Variants in SPTBN2 observed in about 807,000 individuals in gnomAD.
SPTBN2 encodes the protein spectrin beta chain, non-erythrocytic 2.
In SPTBN2, 107 loss-of-function variants were observed where a neutral mutation model predicts 284.2. That is an observed-to-expected ratio of 0.38 (90% CI 0.32 to 0.44). The LOEUF is 0.44. Ranked by LOEUF, SPTBN2 falls within the 20% of genes least tolerant of loss-of-function variation. The pLI, the probability that SPTBN2 is intolerant of heterozygous loss-of-function variation, is 1.00. For missense variants in SPTBN2, 2,569 were observed against 3,287.1 expected, an observed-to-expected ratio of 0.78 and a Z score of 5.34; for synonymous variants, 1,289 against 1,354.8, an observed-to-expected ratio of 0.95 and a Z score of 1.07.
At position 66,705,225 on chromosome 11, in the gene SPTBN2, G is replaced by A; in HGVS notation, c.2051C>T (p.Thr684Ile). 6.4e-7 allele frequency: 1 copy of A among 1,553,594 alleles called. No homozygotes were observed. Among genetic ancestry groups the A allele is most frequent in the Admixed American group, 1.9e-5 (1 of 52,354 alleles). ...GCCGCTCATCTCGCCCCGCAGGGCT[G>A]TGTGCTTGTTGAGCAGGCGGAGGGC... ...TGALRLLNKHTALRGEMSGRL... is the reference protein window; with the variant it reads ...TGALRLLNKHIALRGEMSGRL... Residue 684 changes from threonine to isoleucine, a missense_variant, in exon 15 of 38, where the codon ACA (threonine) becomes ATA (isoleucine). Physicochemically the swap from Thr to Ile is moderately conservative, Grantham distance 89. This residue lies in a region of SPTBN2 where 1,012 missense variants were observed against 1,248.9 expected (regional missense o/e 0.81). Coordinates refer to ENST00000533211, the MANE Select transcript of SPTBN2 (RefSeq NM_006946.4).
Position 66,688,077 on chromosome 11 carries a change from G to T in SPTBN2, c.6377C>A (p.Thr2126Asn). The T allele has an allele frequency of 2.5e-6, 4 of 1,610,524 alleles. No individual in the cohort carries two copies. Among genetic ancestry groups the T allele is most frequent in the Non-Finnish European group, 3.4e-6 (4 of 1,178,674 alleles). The change falls in exon 33 of 38, where the codon ACC (threonine) becomes AAC (asparagine). Residue 2126 changes from threonine (T) to asparagine (N), a missense_variant and splice_region_variant. Coordinates refer to ENST00000533211, the MANE Select transcript of SPTBN2 (RefSeq NM_006946.4). ...QTASDTTWDG[T>N]QPRPPPSTQA... is the part of the protein sequence containing the mutation. ...TGTGGATGGTGGTGGCCGTGGCTGG[G>T]TTCTGGGATGACCAAAGGCAACACA...
At chr11:66,698,023 G>A (rs533445903) in intron 20 of SPTBN2, among the ~76,000 whole-genome samples, 1 of 152,238 alleles carries the variant, frequency 6.6e-6, no homozygotes, top group East Asian at 1.9e-4. Context: ...TGTTCTGTAG[G>A]GATACTTGCT....
At chr11:66,709,225 T>G (rs891029945) in intron 10 of SPTBN2, among the ~76,000 whole-genome samples, 1 of 152,234 alleles carries the variant, frequency 6.6e-6, no homozygotes, top group Non-Finnish European at 1.5e-5. Flanking sequence ...TCACCCAGGC[T>G]GGAGTGCAGT....
intron 8 of SPTBN2, 115 bp downstream of exon 8, chr11:66,713,516 C>T (rs1237908526): frequency 3.8e-6 from 3 of 799,348 alleles, no homozygotes; most frequent in Non-Finnish European, 6.7e-6. Context: ...ACCAAAGAAG[C>T]CCCTGTATCA....
At chr11:66,730,262 A>T (rs559122745), upstream of SPTBN2, among the ~76,000 whole-genome samples, 4 of 152,246 alleles carry the variant, frequency 2.6e-5, no homozygotes, top group East Asian at 7.7e-4. Context: ...ACACTTGGTC[A>T]GGGACATTAA....
In SPTBN2 at chr11:66,707,922, C is replaced by T. The variant is rs931170526; in HGVS notation, c.1351-104G>A. The T allele has an allele frequency of 1.2e-5, 17 of 1,477,158 alleles. No individual in the cohort carries two copies. Among genetic ancestry groups the T allele is most frequent in the South Asian group, 7.4e-5 (6 of 81,160 alleles). The allele number at this position is 1,477,158 out of a possible 1,614,324, so 91.5% of individuals were successfully genotyped here. A position where few individuals can be genotyped will look rare whatever the true frequency, so the allele number is the denominator to read the frequency against. On this transcript the variant is annotated intron_variant, in intron 12 of 37. Coordinates refer to ENST00000533211, the MANE Select transcript of SPTBN2 (RefSeq NM_006946.4). This position sits in a 1 kb window ranked among gnomAD's most constrained non-coding sequence, Gnocchi z 4.9. Reference sequence around the variant, plus strand: ...TGGCCTGCAAGATCCCAGCTCCATGCGGTGGCTCTAAGTTCCCTCTCTATC... The same window carrying T: ...TGGCCTGCAAGATCCCAGCTCCATGTGGTGGCTCTAAGTTCCCTCTCTATC...
rs547530146 is a variant in SPTBN2, at chr11:66,707,393, G to A, written c.1653+123C>T. The A allele has an allele frequency of 1.9e-6, 2 of 1,045,386 alleles. No individual in the cohort carries two copies. The highest frequency in any genetic ancestry group is 1.6e-5 in the African/African-American group (1 of 63,220). The allele number at this position is 1,045,386 out of a possible 1,614,324, so 64.8% of individuals were successfully genotyped here. A position where few individuals can be genotyped will look rare whatever the true frequency, so the allele number is the denominator to read the frequency against. Reference sequence around the variant, plus strand: ...GTTTACTTTGTTCCCTGCAACTGGGGACAGGGCCCTGTGCTGGTTCACACT... The same window carrying A: ...GTTTACTTTGTTCCCTGCAACTGGGAACAGGGCCCTGTGCTGGTTCACACT... On this transcript the variant is annotated intron_variant, in intron 13 of 37. Coordinates refer to ENST00000533211, the MANE Select transcript of SPTBN2 (RefSeq NM_006946.4). The surrounding 1 kb of genome is among the most constrained non-coding windows in gnomAD (Gnocchi z 4.9).
intron 13 of SPTBN2, 49 bp from the exon 14 acceptor site, chr11:66,705,886 T>TA: frequency 1.3e-6 from 2 of 1,594,686 alleles, no homozygotes; most frequent in Non-Finnish European, 1.7e-6. Flanking sequence ...ACAGACGCGC[T>TA]AACCTGGCTG....
intron 16 of SPTBN2, 49 bp from the exon 17 acceptor site, chr11:66,701,331 G>A (rs751209623): frequency 3.2e-5 from 52 of 1,602,346 alleles, no homozygotes; most frequent in Non-Finnish European, 3.7e-5. Flanking sequence ...AGGCCTGTTT[G>A]GAAGCTTCTT....
intron 15 of SPTBN2, among the ~76,000 whole-genome samples, chr11:66,702,866 C>T (rs1408959013): frequency 9.5e-5 from 12 of 126,248 alleles, no homozygotes; most frequent in South Asian, 3.0e-4. Context: ...TGAACCCGGG[C>T]GGCGGAGCTT....
chr11:66,720,396 G>A (rs1461513750), intron 3 of SPTBN2, among the ~76,000 whole-genome samples: 2 of 152,230 alleles, frequency 1.3e-5, no homozygotes, highest in Non-Finnish European at 2.9e-5. Flanking sequence ...GGTGGTGTCA[G>A]GTGGCAGCCG....
intron 1 of SPTBN2, among the ~76,000 whole-genome samples, chr11:66,734,601 G>A (rs762774048): frequency 6.6e-6 from 1 of 152,206 alleles, no homozygotes; most frequent in South Asian, 2.1e-4. Context: ...CCTCTGGAAA[G>A]CCCTCCTTGA....
intron 37 of SPTBN2, 124 bp from the exon 38 acceptor site, chr11:66,686,228 A>G (rs1565106583): frequency 7.2e-7 from 1 of 1,379,742 alleles, no homozygotes; most frequent in South Asian, 1.2e-5. Context: ...TATTAGGAGA[A>G]TGTGGCCGGC....
intron 21 of SPTBN2, among the ~76,000 whole-genome samples, chr11:66,695,034 T>C (rs1221828635): frequency 6.6e-6 from 1 of 152,248 alleles, no homozygotes; most frequent in Non-Finnish European, 1.5e-5. Flanking sequence ...AGACATGCTC[T>C]GGCCTGTGAT....
intron 3 of SPTBN2, among the ~76,000 whole-genome samples, chr11:66,719,231 T>G (rs1942283881): frequency 6.6e-6 from 1 of 152,254 alleles, no homozygotes; most frequent in African/African-American, 2.4e-5. Context: ...AAACGAGGGC[T>G]GTTACCATCC....
In SPTBN2 at chr11:66,685,603, G is replaced by A; in HGVS notation, c.*268C>T. 1 of 477,560 alleles carries A rather than the reference G, an allele frequency of 2.1e-6. No homozygotes were observed. The highest frequency in any genetic ancestry group is 3.9e-6 in the Non-Finnish European group (1 of 258,204). 29.6% of individuals were successfully genotyped at this position (477,560 alleles called of 1,614,324 possible). A position where few individuals can be genotyped will look rare whatever the true frequency, so the allele number is the denominator to read the frequency against. On this transcript the variant is annotated 3_prime_UTR_variant, in exon 38 of 38. Transcript: ENST00000533211. The surrounding 1 kb of genome is among the most constrained non-coding windows in gnomAD (Gnocchi z 4.4). ...GTCCACACCGTGGTGAGGGACAGAG[G>A]CACGAGGCTGGGGAAAGGGGAGAAG...
chr11:66,728,026 C>CTGCT (rs913181269), intron 1 of SPTBN2: 1 of 149,774 alleles, frequency 6.7e-6, no homozygotes, highest in Non-Finnish European at 1.5e-5. Flanking sequence ...CCGTCCCCGC[C>CTGCT]TGCTCCCGCC....
chr11:66,716,049 G>A, intron 3 of SPTBN2, 68 bp from the exon 4 acceptor site: 1 of 1,607,856 alleles, frequency 6.2e-7, no homozygotes, highest in Non-Finnish European at 8.5e-7. Context: ...ACACCAGTTG[G>A]CAGGGGTGGG....
rs558690774 is a variant in SPTBN2 at position 66,709,161 on chromosome 11, G to A, written c.1074-142C>T. On this transcript the variant is annotated intron_variant, in intron 10 of 37. Transcript: ENST00000533211. ...TTTTTATGTGGAAGCCAGAAAATAT[G>A]GGCTAACCAAAAGAACATCATTTTA... The A allele has an allele frequency of 1.1e-5, 8 of 714,138 alleles. No homozygotes were observed. In the South Asian group the frequency reaches 1.2e-4, roughly 11 times the overall value. The allele number at this position is 714,138 out of a possible 1,614,324, so 44.2% of individuals were successfully genotyped here. A position where few individuals can be genotyped will look rare whatever the true frequency, so the allele number is the denominator to read the frequency against.
Sources: gnomAD v4.1 joint callset for allele counts (sites outside exome capture counted in the v4.1 genomes callset) on GRCh38, gnomAD v4.1.1 for gene constraint, gnomAD v4.1.1 regional missense constraint, Gnocchi (gnomAD v3.1) non-coding constraint, MANE v1.5 for transcripts, NCBI Gene and HGNC (gene_info 2026-07-23, HGNC 2026-07-21) for gene names.